Variants in B3GLCT observed in about 807,000 individuals in gnomAD.
B3GLCT encodes the protein beta-1,3-glucosyltransferase.
B3GLCT carries 65 observed loss-of-function variants against 63.4 expected under a neutral mutation model. That is an observed-to-expected ratio of 1.03 (90% CI 0.84 to 1.26). B3GLCT has a LOEUF of 1.26. Among genes scored for constraint, B3GLCT ranks in the 50% most tolerant of loss-of-function variants. The pLI is 0.00. For missense variants in B3GLCT, 577 were observed against 604.8 expected, an observed-to-expected ratio of 0.95 and a Z score of 0.48; for synonymous variants, 233 against 219.2, an observed-to-expected ratio of 1.06 and a Z score of -0.55.
At chr13:31,247,541 G>T (rs1356555840) in intron 5 of B3GLCT, among the ~76,000 whole-genome samples, 1 of 152,178 alleles carries the variant, frequency 6.6e-6, no homozygotes, top group Admixed American at 6.5e-5. Context: ...CCAAAGTGCT[G>T]GGATAACAGG....
intron 1 of B3GLCT, among the ~76,000 whole-genome samples, chr13:31,212,292 T>TA (rs1555244299): frequency 3.0e-5 from 4 of 131,298 alleles, no homozygotes; most frequent in Admixed American, 7.7e-5. Context: ...TTTTTTTTTT[T>TA]AAGACGGAGT....
Position 31,286,921 on chromosome 13 carries a change from CG to C in B3GLCT, c.1064+106del, listed in dbSNP as rs1326820442. The stretch of plus-strand genomic sequence containing the variant: ...TCTGGCCAAGATGAAGTAACGGGGA[CG>C]GGGTTTACCCTTCTATCTGAACCAA... On this transcript the variant is annotated intron_variant, in intron 12 of 14. Transcript: ENST00000343307. 3 of 768,396 alleles carry C rather than the reference CG, an allele frequency of 3.9e-6. No individual in the cohort carries two copies. The East Asian group carries it at 8.1e-5, about 21-fold the overall frequency. The allele number at this position is 768,396 out of a possible 1,614,324, so 47.6% of individuals were successfully genotyped here.
chr13:31,299,120 C>T (rs147124754), intron 12 of B3GLCT, among the ~76,000 whole-genome samples: 3 of 152,322 alleles, frequency 2.0e-5, no homozygotes, highest in African/African-American at 7.2e-5. Context: ...CCTTCTTCTC[C>T]AGACCAGCCT....
chr13:31,295,485 T>G lies in B3GLCT; in HGVS notation c.1064+8666T>G, dbSNP rs145731691. On this transcript the variant is annotated intron_variant, in intron 12 of 14. Coordinates refer to ENST00000343307, the MANE Select transcript of B3GLCT (RefSeq NM_194318.4). The stretch of plus-strand genomic sequence containing the variant: ...TTATGTATAAGCCCCTGACTGGGCA[T>G]CTGCCTTTCATTTAGAGATCCCCTG... 1.1e-3 allele frequency among the ~76,000 whole-genome samples: 167 copies of G among 152,320 alleles called. 1 individual carries two copies. Among genetic ancestry groups the G allele is most frequent in the African/African-American group, 3.8e-3 (159 of 41,564 alleles).
At chr13:31,210,785 C>T (rs1334890916) in intron 1 of B3GLCT, among the ~76,000 whole-genome samples, 6 of 152,086 alleles carry the variant, frequency 3.9e-5, no homozygotes, top group Admixed American at 3.9e-4. Context: ...GTCTCTGTCA[C>T]CCAGGCTGGA....
At chr13:31,314,907 T>A (rs1411675239) in intron 12 of B3GLCT, among the ~76,000 whole-genome samples, 1 of 152,236 alleles carries the variant, frequency 6.6e-6, no homozygotes, top group Non-Finnish European at 1.5e-5. Context: ...TTTCCCGTGC[T>A]GTTCTCATGA....
chr13:31,332,074 A>G lies in B3GLCT; in HGVS notation c.*2406A>G, dbSNP rs1444965909. The G allele has an allele frequency of 6.6e-6, 1 of 152,206 alleles. No individual in the cohort carries two copies. The highest frequency in any genetic ancestry group is 2.4e-5 in the African/African-American group (1 of 41,454). The allele number at this position is 152,206 out of a possible 1,614,324, so 9.4% of individuals were successfully genotyped here. A position where few individuals can be genotyped will look rare whatever the true frequency, so the allele number is the denominator to read the frequency against. ...CCTAGGAGCAGAAAACAATAATAGC[A>G]TGCTAAATCACAAATGATGCTATGT... On this transcript the variant is annotated 3_prime_UTR_variant, in exon 15 of 15. Transcript: ENST00000343307.
At chr13:31,314,704 G>T (rs1025768192) in intron 12 of B3GLCT, among the ~76,000 whole-genome samples, 12 of 152,222 alleles carry the variant, frequency 7.9e-5, no homozygotes, top group African/African-American at 2.9e-4. Context: ...AATGAGTTAA[G>T]ACTTTTGGGG....
At chr13:31,285,313 G>C (rs1873265513) in intron 11 of B3GLCT, among the ~76,000 whole-genome samples, 1 of 152,140 alleles carries the variant, frequency 6.6e-6, no homozygotes, top group South Asian at 2.1e-4. Context: ...CAAAAGGTGG[G>C]AGAGTAGAAG....
rs1875820593 is a variant in B3GLCT at position 31,329,728 on chromosome 13, C to A, written c.*60C>A. ...AATGAACTGGAGACTGTGGCCTCAT[C>A]CCACTGTGCTGTGCTCACAACACTT... On this transcript the variant is annotated 3_prime_UTR_variant, in exon 15 of 15. Coordinates refer to ENST00000343307, the MANE Select transcript of B3GLCT (RefSeq NM_194318.4). 21 of 1,575,358 alleles carry A rather than the reference C, an allele frequency of 1.3e-5. 2 individuals carry two copies. In the South Asian group the frequency reaches 2.1e-4, roughly 16 times the overall value.
chr13:31,248,368 C>T (rs1593271787), intron 6 of B3GLCT, among the ~76,000 whole-genome samples: 2 of 152,006 alleles, frequency 1.3e-5, no homozygotes, highest in African/African-American at 2.4e-5. Context: ...CTGTGGATGG[C>T]GGAGGCTAGA....
In B3GLCT at chr13:31,267,914, G is replaced by A. The variant is rs1011182033; in HGVS notation, c.597-1300G>A. Among the ~76,000 whole-genome samples the A allele has an allele frequency of 2.7e-5, 4 of 147,750 alleles. No homozygotes were observed. In the Admixed American group the frequency reaches 2.7e-4, roughly 10 times the overall value. On this transcript the variant is annotated intron_variant, in intron 7 of 14. Coordinates refer to ENST00000343307, the MANE Select transcript of B3GLCT (RefSeq NM_194318.4). ...CTCAGGCTGGAGTGTGATCATAGTT[G>A]ACTGCAGCCTTCAACTACTAGGCTC...
chr13:31,248,073 A>C, intron 6 of B3GLCT, 107 bp downstream of exon 6: 1 of 683,478 alleles, frequency 1.5e-6, no homozygotes, highest in South Asian at 1.7e-5. Context: ...ACTTAGTTTA[A>C]AATTAAAAAG....
At chr13:31,289,120 G>A (rs1873507985) in intron 12 of B3GLCT, among the ~76,000 whole-genome samples, 1 of 151,776 alleles carries the variant, frequency 6.6e-6, no homozygotes, top group African/African-American at 2.4e-5. Flanking sequence ...TGAAAGCTTT[G>A]GTAATAGACT....
chr13:31,256,052 A>G (rs1010977719), intron 6 of B3GLCT, among the ~76,000 whole-genome samples: 1 of 152,232 alleles, frequency 6.6e-6, no homozygotes, highest in African/African-American at 2.4e-5. Flanking sequence ...CCATCTGACA[A>G]AGGGCTAATA....
chr13:31,285,479 C>T (rs890279725), intron 11 of B3GLCT, among the ~76,000 whole-genome samples: 1 of 151,764 alleles, frequency 6.6e-6, no homozygotes, highest in Non-Finnish European at 1.5e-5. Flanking sequence ...AAAATTGTGT[C>T]AAAAAATGGA....
At chr13:31,234,248 C>T (rs9541783) in intron 4 of B3GLCT, among the ~76,000 whole-genome samples, 36,572 of 151,906 alleles carry the variant, frequency 0.24, 4,547 homozygotes, top group Non-Finnish European at 0.25. Flanking sequence ...TCTTGATCTC[C>T]TGACCTCGTA....
At chr13:31,326,467 A>T (rs1010561259) in intron 14 of B3GLCT, among the ~76,000 whole-genome samples, 2 of 151,752 alleles carry the variant, frequency 1.3e-5, no homozygotes, top group Non-Finnish European at 2.9e-5. Context: ...TATTTTTAGT[A>T]GAGACGGGAT....
At chr13:31,219,796 T>C (rs1025442020) in intron 2 of B3GLCT, among the ~76,000 whole-genome samples, 2 of 152,236 alleles carry the variant, frequency 1.3e-5, no homozygotes, top group Non-Finnish European at 2.9e-5. Context: ...GCATAAGCCA[T>C]CTTTCCTACC....
Sources: allele counts gnomAD v4.1 joint callset (sites outside exome capture counted in the v4.1 genomes callset), GRCh38; gene constraint gnomAD v4.1.1; transcripts MANE v1.5; gene names NCBI Gene and HGNC (gene_info 2026-07-23, HGNC 2026-07-21).